Variants in TWIST2 observed in about 807,000 individuals in gnomAD.
TWIST2 encodes the protein twist-related protein 2.
TWIST2 carries 1 observed loss-of-function variant against 11.6 expected under a neutral mutation model. The ratio of observed to expected loss-of-function variants is 0.09; its 90% confidence interval spans 0.03 to 0.41. The LOEUF (loss-of-function observed/expected upper bound fraction) is 0.41, where lower values mean the gene tolerates loss of function less well. TWIST2 is among the 10% of genes least tolerant of loss of function. The pLI, the probability that TWIST2 is intolerant of heterozygous loss-of-function variation, is 0.98. For synonymous variants in TWIST2, 87 were observed against 96.6 expected, an observed-to-expected ratio of 0.90 and a Z score of 0.58; for missense variants, 168 against 226.4, an observed-to-expected ratio of 0.74 and a Z score of 1.66.
chr2:238,890,198 A>G (rs894905189), intron 1 of TWIST2, among the ~76,000 whole-genome samples: 1 of 152,134 alleles, frequency 6.6e-6, no homozygotes, highest in Admixed American at 6.5e-5. Flanking sequence ...AGGGGATGCC[A>G]CACAGCCAGG....
chr2:238,857,729 G>C (rs1692356750), intron 1 of TWIST2, among the ~76,000 whole-genome samples: 1 of 152,090 alleles, frequency 6.6e-6, no homozygotes, highest in Admixed American at 6.5e-5. Flanking sequence ...CTGAGGCCAG[G>C]AGTTCGAGAC....
chr2:238,882,839 A>G (rs1376540912), intron 1 of TWIST2, among the ~76,000 whole-genome samples: 2 of 152,084 alleles, frequency 1.3e-5, no homozygotes, highest in Non-Finnish European at 2.9e-5. Context: ...AACAAAGTCA[A>G]AGGATGCTTT....
chr2:238,867,377 AC>A lies in TWIST2; in HGVS notation c.*35+18645del, dbSNP rs1692560863. Among the ~76,000 whole-genome samples, 1 of 148,206 alleles carries A rather than the reference AC, an allele frequency of 6.7e-6. No individual in the cohort carries two copies. Among genetic ancestry groups the A allele is most frequent in the Admixed American group, 6.7e-5 (1 of 14,860 alleles). On this transcript the variant is annotated intron_variant, in intron 1 of 1. Coordinates refer to ENST00000612363, the MANE Select transcript of TWIST2 (RefSeq NM_001271893.4). The surrounding 1 kb of genome is among the most constrained non-coding windows in gnomAD (Gnocchi z 4.8). ...GTAAAATGTCCTGCCTTCAACACAC[AC>A]ACACACACACACACACACACACACA... is the stretch of plus-strand genomic sequence containing the variant.
chr2:238,902,101 C>T (rs1267703809), intron 1 of TWIST2, among the ~76,000 whole-genome samples: 2 of 152,136 alleles, frequency 1.3e-5, no homozygotes, highest in Non-Finnish European at 2.9e-5. Context: ...CTTCTGTGGC[C>T]AGATTCTGAC....
chr2:238,860,115 C>A (rs1692404796), intron 1 of TWIST2, among the ~76,000 whole-genome samples: 1 of 152,192 alleles, frequency 6.6e-6, no homozygotes, highest in Non-Finnish European at 1.5e-5. Flanking sequence ...CAGGGCTCGT[C>A]TGCCCGCTCG....
chr2:238,895,776 G>A (rs976748125), intron 1 of TWIST2, among the ~76,000 whole-genome samples: 1,594 of 152,310 alleles, frequency 0.01, 34 homozygotes, highest in African/African-American at 0.036. Context: ...TTGCCAGGTG[G>A]ACAGGGAGAG....
chr2:238,902,224 A>G (rs1693275955), intron 1 of TWIST2, among the ~76,000 whole-genome samples: 1 of 126,842 alleles, frequency 7.9e-6, no homozygotes, highest in East Asian at 2.8e-4. Flanking sequence ...GATGTGGAGT[A>G]TGTGTGTGTG....
In TWIST2 at chr2:238,909,845, G is replaced by A. The variant is rs1693424081; in HGVS notation, c.*39G>A. 6.6e-6 allele frequency: 1 copy of A among 152,248 alleles called. No homozygotes were observed. The highest frequency in any genetic ancestry group is 2.4e-5 in the African/African-American group (1 of 41,444). 9.4% of individuals were successfully genotyped at this position (152,248 alleles called of 1,614,324 possible). ...GTCCCCCTTCCGTATCTTCCAGGCTGTCCGTCGCGTCGGCGGCGCAAGTGG... is the reference window on the plus strand; with the variant it reads ...GTCCCCCTTCCGTATCTTCCAGGCTATCCGTCGCGTCGGCGGCGCAAGTGG... On this transcript the variant is annotated 3_prime_UTR_variant, in exon 2 of 2. Coordinates refer to ENST00000612363, the MANE Select transcript of TWIST2 (RefSeq NM_001271893.4).
At chr2:238,902,197 A>C (rs1322558094) in intron 1 of TWIST2, among the ~76,000 whole-genome samples, 1 of 150,250 alleles carries the variant, frequency 6.7e-6, no homozygotes, top group Admixed American at 6.6e-5. Context: ...CAAGAGAGAG[A>C]GATATGGGGT....
chr2:238,883,235 C>A (rs2106365883), intron 1 of TWIST2, among the ~76,000 whole-genome samples: 1 of 152,278 alleles, frequency 6.6e-6, no homozygotes, highest in Middle Eastern at 3.4e-3. Context: ...GTGACGGTTC[C>A]TCCCCCCAGG....
At chr2:238,904,798 G>A (rs1693321596) in intron 1 of TWIST2, among the ~76,000 whole-genome samples, 1 of 152,054 alleles carries the variant, frequency 6.6e-6, no homozygotes, top group Non-Finnish European at 1.5e-5. Context: ...AGAAAGAAGG[G>A]AGGAAGGGGG....
intron 1 of TWIST2, among the ~76,000 whole-genome samples, chr2:238,853,430 A>AGGG (rs1251498933): frequency 7.9e-5 from 10 of 126,240 alleles, no homozygotes; most frequent in South Asian, 2.9e-4. Flanking sequence ...GGAGAGAGAG[A>AGGG]AGGAGAGAGG....
Position 238,848,403 on chromosome 2 carries a change from AG to A in TWIST2, c.189del (p.Glu63AspfsTer39). On this transcript the variant is annotated frameshift_variant, in exon 1 of 2. Coordinates refer to ENST00000612363, the MANE Select transcript of TWIST2 (RefSeq NM_001271893.4). LOFTEE classifies it high-confidence loss of function. Reference protein sequence around the residue: ...KGSPSAQSFEELQSQRILANV... With the variant: ...KGSPSAQSFEXLQSQRILANV... ...AGCCCCAGCGCGCAGTCCTTCGAGG[AG>A]CTGCAGAGCCAGCGCATCCTGGCCA... is the stretch of plus-strand genomic sequence containing the variant. 1 of 1,537,044 alleles carries A rather than the reference AG, an allele frequency of 6.5e-7. No individual in the cohort carries two copies. The highest frequency in any genetic ancestry group is 8.7e-7 in the Non-Finnish European group (1 of 1,146,762).
intron 1 of TWIST2, among the ~76,000 whole-genome samples, chr2:238,850,920 C>G (rs1692231152): frequency 6.6e-6 from 1 of 152,132 alleles, no homozygotes; most frequent in Admixed American, 6.5e-5. Context: ...CTGGACACAC[C>G]TTGTTTTTAT....
At chr2:238,854,146 C>T (rs1227859683) in intron 1 of TWIST2, among the ~76,000 whole-genome samples, 1 of 152,184 alleles carries the variant, frequency 6.6e-6, no homozygotes, top group Non-Finnish European at 1.5e-5. Context: ...TTTCCCTTCA[C>T]TGAAATGAAA....
chr2:238,873,857 G>T (rs1056144070), intron 1 of TWIST2, among the ~76,000 whole-genome samples: 1 of 152,182 alleles, frequency 6.6e-6, no homozygotes, highest in Non-Finnish European at 1.5e-5. Context: ...CTGGAGGCCT[G>T]TGATTCTTCT....
chr2:238,861,814 A>AT (rs1692441903), intron 1 of TWIST2, among the ~76,000 whole-genome samples: 1 of 152,256 alleles, frequency 6.6e-6, no homozygotes, highest in African/African-American at 2.4e-5. Flanking sequence ...AAATTGATAC[A>AT]TTTTAAATTG....
chr2:238,905,954 TGTAC>T (rs1693345497), intron 1 of TWIST2, among the ~76,000 whole-genome samples: 1,218 of 113,954 alleles, frequency 0.011, 8 homozygotes, highest in African/African-American at 0.04. Context: ...CGCGCGCGTG[TGTAC>T]GTGTGCGTGT....
At chr2:238,904,804 G>A (rs1244613202) in intron 1 of TWIST2, among the ~76,000 whole-genome samples, 2 of 152,042 alleles carry the variant, frequency 1.3e-5, no homozygotes, top group African/African-American at 4.8e-5. Flanking sequence ...AAGGGAGGAA[G>A]GGGGAAGGAA....
Sources: gnomAD v4.1 joint callset for allele counts (sites outside exome capture counted in the v4.1 genomes callset) on GRCh38, gnomAD v4.1.1 for gene constraint, Gnocchi (gnomAD v3.1) non-coding constraint, MANE v1.5 for transcripts, NCBI Gene and HGNC (gene_info 2026-07-23, HGNC 2026-07-21) for gene names.